ASAP1: variants seen among roughly 807,000 people sequenced by gnomAD.
The protein encoded by ASAP1 is ArfGAP with SH3 domain, ankyrin repeat and PH domain 1.
A neutral mutation model predicts 145.2 loss-of-function variants in ASAP1; 43 were observed. That is an observed-to-expected ratio of 0.30 (90% confidence interval 0.23 to 0.38). ASAP1 has a LOEUF of 0.38. ASAP1 is among the 10% of genes least tolerant of loss of function. The probability of loss-of-function intolerance (pLI) is 1.00; values close to 1 mark genes in which losing one functional copy is unlikely to be tolerated. For synonymous variants in ASAP1, 546 were observed against 515.5 expected, an observed-to-expected ratio of 1.06 and a Z score of -0.80; for missense variants, 1,018 against 1,355.3, an observed-to-expected ratio of 0.75 and a Z score of 3.91.
At position 130,268,818 on chromosome 8, in the gene ASAP1, C is replaced by T. The variant is rs1417010; in HGVS notation, c.187-31824G>A. On this transcript the variant is annotated intron_variant, in intron 3 of 29. Transcript: ENST00000518721. ...GTTTAAGAATCATTTGCAGTCTCCACAAAATTATACTACTGTTTGTTAAAC... is the reference window on the plus strand; with the variant it reads ...GTTTAAGAATCATTTGCAGTCTCCATAAAATTATACTACTGTTTGTTAAAC... Among the ~76,000 whole-genome samples the T allele has an allele frequency of 4.9e-3, 752 of 152,244 alleles. 6 individuals are homozygous for T. Among genetic ancestry groups the T allele is most frequent in the African/African-American group, 0.017 (716 of 41,540 alleles).
At chr8:130,317,087 CTTTT>C (rs11348187) in intron 3 of ASAP1, among the ~76,000 whole-genome samples, 1 of 142,910 alleles carries the variant, frequency 7.0e-6, no homozygotes, top group African/African-American at 2.6e-5. Context: ...TCACATCATG[CTTTT>C]TTTTTTTTTT....
intron 12 of ASAP1, among the ~76,000 whole-genome samples, chr8:130,158,615 T>TG (rs2097662744): frequency 6.6e-6 from 1 of 152,018 alleles, no homozygotes; most frequent in African/African-American, 2.4e-5. Context: ...AAAAGAAGCC[T>TG]CATGTGGCAG....
intron 2 of ASAP1, among the ~76,000 whole-genome samples, chr8:130,394,765 T>C (rs1015905512): frequency 1.3e-5 from 2 of 152,116 alleles, no homozygotes; most frequent in African/African-American, 2.4e-5. Context: ...GGCCAACGCT[T>C]AGGGAAAACA....
chr8:130,268,483 G>A (rs971678534), intron 3 of ASAP1, among the ~76,000 whole-genome samples: 2 of 106,258 alleles, frequency 1.9e-5, no homozygotes, highest in African/African-American at 3.7e-5. Flanking sequence ...GTAAGATCCC[G>A]TCTTAAAACA....
At chr8:130,124,236 C>A in intron 17 of ASAP1, 132 bp from the exon 18 acceptor site, 1 of 672,248 alleles carries the variant, frequency 1.5e-6, no homozygotes, top group Non-Finnish European at 2.5e-6. Context: ...AACCACCGTC[C>A]ATCTGGTCTA....
intron 8 of ASAP1, 25 bp downstream of exon 8, chr8:130,180,725 CA>C: frequency 6.3e-7 from 1 of 1,597,046 alleles, no homozygotes; most frequent in South Asian, 1.1e-5. Flanking sequence ...TAATTCTAGG[CA>C]AATGGTGGAA....
intron 1 of ASAP1, among the ~76,000 whole-genome samples, chr8:130,421,622 G>A (rs1340546121): frequency 6.6e-6 from 1 of 152,188 alleles, no homozygotes; most frequent in Non-Finnish European, 1.5e-5. Flanking sequence ...GCTCCAGGGG[G>A]CAGCAGGGCC....
chr8:130,391,068 G>T (rs1828262290), intron 2 of ASAP1, among the ~76,000 whole-genome samples: 1 of 151,986 alleles, frequency 6.6e-6, no homozygotes, highest in African/African-American at 2.4e-5. Flanking sequence ...AACAAAATAT[G>T]ATATGTACAT....
chr8:130,187,765 AAG>A (rs1814837576), intron 6 of ASAP1, among the ~76,000 whole-genome samples: 1 of 152,156 alleles, frequency 6.6e-6, no homozygotes, highest in African/African-American at 2.4e-5. Flanking sequence ...TGAGAGAGGA[AAG>A]AAGGGTAAGC....
chr8:130,246,229 G>A (rs1160202108), intron 3 of ASAP1, among the ~76,000 whole-genome samples: 1 of 152,020 alleles, frequency 6.6e-6, no homozygotes, highest in African/African-American at 2.4e-5. Flanking sequence ...ATGAGTGAAG[G>A]GAGATGAGTG....
At chr8:130,340,827 G>A in intron 3 of ASAP1, 1 of 442,774 alleles carries the variant, frequency 2.3e-6, no homozygotes, top group Non-Finnish European at 4.5e-6. Context: ...AGGCTCCAAA[G>A]AGGAAGCTTA....
rs745389921 is a variant in ASAP1 at position 130,283,583 on chromosome 8, G to GAAAAAAAA, written c.187-46590_187-46589insTTTTTTTT. ...GGTGACAGAACAAGACTCCATCACA[G>GAAAAAAAA]AAAGAAAAAAAAAAAAAAAAAAAAA... is the stretch of plus-strand genomic sequence containing the variant. On this transcript the variant is annotated intron_variant, in intron 3 of 29. Transcript: ENST00000518721. Among the ~76,000 whole-genome samples the GAAAAAAAA allele has an allele frequency of 7.6e-4, 75 of 98,744 alleles. 8 individuals are homozygous for GAAAAAAAA. Among genetic ancestry groups the GAAAAAAAA allele is most frequent in the African/African-American group, 2.6e-3 (63 of 23,878 alleles). 64.8% of individuals were successfully genotyped at this position (98,744 alleles called of 152,430 possible).
intron 5 of ASAP1, among the ~76,000 whole-genome samples, chr8:130,194,548 A>G (rs1376057171): frequency 6.6e-6 from 1 of 152,160 alleles, no homozygotes; most frequent in Non-Finnish European, 1.5e-5. Flanking sequence ...GGAATCCTTT[A>G]TATTAGCAGT....
intron 2 of ASAP1, among the ~76,000 whole-genome samples, chr8:130,378,678 G>A (rs1401083998): frequency 2.0e-5 from 3 of 152,214 alleles, no homozygotes; most frequent in African/African-American, 4.8e-5. Flanking sequence ...CAATGGACAC[G>A]AACAGTTTTG....
chr8:130,377,553 C>A (rs1827562674), intron 2 of ASAP1, among the ~76,000 whole-genome samples: 1 of 152,162 alleles, frequency 6.6e-6, no homozygotes, highest in African/African-American at 2.4e-5. Flanking sequence ...AATACAGGGC[C>A]CCAGCTCTCA....
At chr8:130,296,469 G>T (rs1030916549) in intron 3 of ASAP1, among the ~76,000 whole-genome samples, 2 of 151,464 alleles carry the variant, frequency 1.3e-5, no homozygotes, top group Non-Finnish European at 2.9e-5. Flanking sequence ...GTAAGCAGGG[G>T]TCCCTGTGCT....
intron 4 of ASAP1, among the ~76,000 whole-genome samples, chr8:130,217,201 T>A (rs1816980536): frequency 6.6e-6 from 1 of 152,208 alleles, no homozygotes; most frequent in Non-Finnish European, 1.5e-5. Flanking sequence ...TCCTCTGTTG[T>A]GGCGCACAGA....
intron 24 of ASAP1, among the ~76,000 whole-genome samples, chr8:130,106,363 C>T (rs1351939721): frequency 1.3e-5 from 2 of 152,100 alleles, no homozygotes; most frequent in Non-Finnish European, 2.9e-5. Flanking sequence ...ATTTCCCATG[C>T]GAGTCTGAAT....
At chr8:130,089,656 A>C (rs2097501366) in intron 25 of ASAP1, among the ~76,000 whole-genome samples, 1 of 152,196 alleles carries the variant, frequency 6.6e-6, no homozygotes, top group Non-Finnish European at 1.5e-5. Flanking sequence ...AAAACCAAGC[A>C]GTAATAATAC....
Sources: allele counts gnomAD v4.1 joint callset (sites outside exome capture counted in the v4.1 genomes callset), GRCh38; gene constraint gnomAD v4.1.1; transcripts MANE v1.5; gene names NCBI Gene and HGNC (gene_info 2026-07-23, HGNC 2026-07-21).